The following SLC22A23 variants were observed in gnomAD, a reference collection of about 807,000 sequenced individuals.
The protein encoded by SLC22A23 is ion transporter protein.
Under a neutral mutation model 61.0 loss-of-function variants are expected in SLC22A23, and 26 were observed. That is an observed-to-expected ratio of 0.43 (90% CI 0.31 to 0.59). The LOEUF is 0.59. SLC22A23 is among the 20% of genes least tolerant of loss of function. SLC22A23 has a pLI of 0.11. For synonymous variants in SLC22A23, 430 were observed against 413.9 expected, an observed-to-expected ratio of 1.04 and a Z score of -0.47; for missense variants, 796 against 934.7, an observed-to-expected ratio of 0.85 and a Z score of 1.94.
Position 3,372,355 on chromosome 6 carries a change from G to C in SLC22A23, c.913+37833C>G, listed in dbSNP as rs1014077573. Among the ~76,000 whole-genome samples, 1 of 152,260 alleles carries C rather than the reference G, an allele frequency of 6.6e-6. No homozygotes were observed. Among genetic ancestry groups the C allele is most frequent in the Non-Finnish European group, 1.5e-5 (1 of 68,046 alleles). On this transcript the variant is annotated intron_variant, in intron 3 of 9. Transcript: ENST00000406686. The surrounding 1 kb of genome is among the most constrained non-coding windows in gnomAD (Gnocchi z 4.7). ...GTGGAATAAAAGTGGCAAGATGCAC[G>C]AAGGTCTAAGCCTGCAGGCTCCTCC...
Position 3,287,026 on chromosome 6 carries a change from G to A in SLC22A23, c.1379C>T (p.Pro460Leu), listed in dbSNP as rs140418737. Residue 460 changes from proline to leucine, a missense_variant, in exon 7 of 10, where the codon CCG becomes CTG. Pro to Leu is a moderately conservative substitution (Grantham distance 98). Transcript: ENST00000406686. ...RSMMGHEVKV[P>L]LLENFYADYY... ...GTCAGCATAGAAGTTCTCCAGGAGCGGCACCTTCACCTCGTGGCCCATCAT... is the reference window on the plus strand; with the variant it reads ...GTCAGCATAGAAGTTCTCCAGGAGCAGCACCTTCACCTCGTGGCCCATCAT... 245 of 1,614,202 alleles carry A rather than the reference G, an allele frequency of 1.5e-4. No individual in the cohort carries two copies. The African/African-American group carries it at 2.8e-3, about 19-fold the overall frequency.
At chr6:3,348,286 T>C (rs1269929436) in intron 3 of SLC22A23, among the ~76,000 whole-genome samples, 1 of 152,218 alleles carries the variant, frequency 6.6e-6, no homozygotes, top group Non-Finnish European at 1.5e-5. Flanking sequence ...CTGGAACAGC[T>C]ACTACAACGG....
rs1765648754 is a variant in SLC22A23, at chr6:3,364,064, A to G, written c.914-40062T>C. Among the ~76,000 whole-genome samples the G allele has an allele frequency of 2.6e-5, 4 of 152,358 alleles. No individual in the cohort carries two copies. The South Asian group carries it at 6.2e-4, about 24-fold the overall frequency. ...GTCTGACATTTGTGCATCTCACCCA[A>G]TAGAGCTTTTGCCTTCCCTCTCTCC... On this transcript the variant is annotated intron_variant, in intron 3 of 9. Transcript: ENST00000406686.
chr6:3,416,886 G>T (rs1367070766), intron 1 of SLC22A23, among the ~76,000 whole-genome samples: 1 of 152,224 alleles, frequency 6.6e-6, no homozygotes, highest in Non-Finnish European at 1.5e-5. Flanking sequence ...GGTGTTCTGG[G>T]AGCAGAGGCA....
chr6:3,289,981 CTTTTT>C (rs35568219), intron 5 of SLC22A23, 115 bp from the exon 6 acceptor site: 2,259 of 444,524 alleles, frequency 5.1e-3, no homozygotes, highest in East Asian at 9.3e-3. Flanking sequence ...GAGAGAGAAG[CTTTTT>C]TTTTTTTTTT....
chr6:3,316,107 A>C (rs1310020294), intron 4 of SLC22A23, among the ~76,000 whole-genome samples: 1 of 152,194 alleles, frequency 6.6e-6, no homozygotes, highest in Non-Finnish European at 1.5e-5. Context: ...CCGTATTTCT[A>C]GCAAGTTCCC....
At chr6:3,369,643 A>G (rs961201429) in intron 3 of SLC22A23, among the ~76,000 whole-genome samples, 2 of 151,046 alleles carry the variant, frequency 1.3e-5, no homozygotes, top group Admixed American at 1.3e-4. Flanking sequence ...GTGAGCCAAG[A>G]TTGTGCCACT....
At position 3,328,448 on chromosome 6, in the gene SLC22A23, G is replaced by C. The variant is rs1763399209; in HGVS notation, c.914-4446C>G. 6.6e-6 allele frequency among the ~76,000 whole-genome samples: 1 copy of C among 152,162 alleles called. No individual in the cohort carries two copies. Among genetic ancestry groups the C allele is most frequent in the South Asian group, 2.1e-4 (1 of 4,820 alleles). On this transcript the variant is annotated intron_variant, in intron 3 of 9. Coordinates refer to ENST00000406686, the MANE Select transcript of SLC22A23 (RefSeq NM_015482.2). The surrounding 1 kb of genome is among the most constrained non-coding windows in gnomAD (Gnocchi z 5.0). Reference sequence around the variant, plus strand: ...TTTATGTGACGGAGGAGGAAGGCCTGAGGGAGTGGGGTGTGGGGGTTTGAT... The same window carrying C: ...TTTATGTGACGGAGGAGGAAGGCCTCAGGGAGTGGGGTGTGGGGGTTTGAT...
At chr6:3,442,452 A>G (rs899474247) in intron 1 of SLC22A23, among the ~76,000 whole-genome samples, 1 of 152,252 alleles carries the variant, frequency 6.6e-6, no homozygotes, top group Non-Finnish European at 1.5e-5. Flanking sequence ...AATAAAGACA[A>G]GTTTTAAAAA....
Position 3,347,448 on chromosome 6 carries a change from C to T in SLC22A23, c.914-23446G>A, listed in dbSNP as rs142160615. ...TCACGGCTGACCTCTGAGAGCTGAA[C>T]TGCACAGGAGAATTTAACTACACCA... is the stretch of plus-strand genomic sequence containing the variant. On this transcript the variant is annotated intron_variant, in intron 3 of 9. Transcript: ENST00000406686. Among the ~76,000 whole-genome samples the T allele has an allele frequency of 3.2e-3, 492 of 152,188 alleles. 4 individuals carry two copies. Among genetic ancestry groups the T allele is most frequent in the African/African-American group, 0.012 (479 of 41,518 alleles).
At chr6:3,370,170 A>G (rs963839293) in intron 3 of SLC22A23, among the ~76,000 whole-genome samples, 7 of 151,988 alleles carry the variant, frequency 4.6e-5, no homozygotes, top group Admixed American at 2.0e-4. Flanking sequence ...TTTTCCTTGG[A>G]TTTTCTTTCA....
chr6:3,446,139 C>T (rs1022613677), intron 1 of SLC22A23, among the ~76,000 whole-genome samples: 4 of 152,314 alleles, frequency 2.6e-5, no homozygotes, highest in East Asian at 1.9e-4. Context: ...TCAAGCACAA[C>T]GGGAGGGTCA....
chr6:3,328,045 T>A lies in SLC22A23; in HGVS notation c.914-4043A>T. Among the ~76,000 whole-genome samples, 1 of 152,064 alleles carries A rather than the reference T, an allele frequency of 6.6e-6. No individual in the cohort carries two copies. The highest frequency in any genetic ancestry group is 2.4e-5 in the African/African-American group (1 of 41,384). ...AATATAATTATTGCCAAGTCGCTCA[T>A]TGGTCTCATTCGACATGGTGAGATC... On this transcript the variant is annotated intron_variant, in intron 3 of 9. Transcript: ENST00000406686. The surrounding 1 kb of genome is among the most constrained non-coding windows in gnomAD (Gnocchi z 5.0).
chr6:3,294,011 C>T (rs1760852750), intron 5 of SLC22A23, among the ~76,000 whole-genome samples: 1 of 152,170 alleles, frequency 6.6e-6, no homozygotes. Flanking sequence ...AGGATGCCTG[C>T]ACCCTGCACG....
chr6:3,456,311 C>A lies in SLC22A23; in HGVS notation c.249G>T (p.Ser83=). 6.4e-7 allele frequency: 1 copy of A among 1,550,692 alleles called. No homozygotes were observed. Among genetic ancestry groups the A allele is most frequent in the East Asian group, 2.4e-5 (1 of 40,950 alleles). Residue 83 remains serine (S), a synonymous_variant, in exon 1 of 10, where the codon TCG becomes TCT. Transcript: ENST00000406686. The surrounding 1 kb of genome is among the most constrained non-coding windows in gnomAD (Gnocchi z 7.1). ...CCAGGCCCCCGAGGAAGGGCAGCAC[C>A]GACCCGTCATAGTCCAGCAACAAGA... ...PSLLLLDYDG[S]VLPFLGGLGG...
chr6:3,290,274 C>T (rs1379385148), intron 5 of SLC22A23: 2 of 296,090 alleles, frequency 6.8e-6, no homozygotes, highest in Non-Finnish European at 1.3e-5. Flanking sequence ...CAGTTCTTTT[C>T]CGTACACTCT....
At chr6:3,307,491 G>T (rs1322866101) in intron 4 of SLC22A23, among the ~76,000 whole-genome samples, 1 of 152,268 alleles carries the variant, frequency 6.6e-6, no homozygotes, top group African/African-American at 2.4e-5. Flanking sequence ...ACCCAACTGG[G>T]ATACCAGTGC....
At position 3,333,264 on chromosome 6, in the gene SLC22A23, C is replaced by G. The variant is rs1202301942; in HGVS notation, c.914-9262G>C. Among the ~76,000 whole-genome samples, 1 of 152,204 alleles carries G rather than the reference C, an allele frequency of 6.6e-6. No homozygotes were observed. Among genetic ancestry groups the G allele is most frequent in the Non-Finnish European group, 1.5e-5 (1 of 68,032 alleles). On this transcript the variant is annotated intron_variant, in intron 3 of 9. Coordinates refer to ENST00000406686, the MANE Select transcript of SLC22A23 (RefSeq NM_015482.2). This position sits in a 1 kb window ranked among gnomAD's most constrained non-coding sequence, Gnocchi z 4.1. The stretch of plus-strand genomic sequence containing the variant: ...AGAACTTGTATTCAGCAACAAGGGC[C>G]AGCTCTTTGCCCTGAAATACGGTCA...
intron 2 of SLC22A23, among the ~76,000 whole-genome samples, chr6:3,411,145 G>A (rs1007833129): frequency 6.6e-6 from 1 of 151,842 alleles, no homozygotes; most frequent in Non-Finnish European, 1.5e-5. Flanking sequence ...CAAGAATGGG[G>A]AAGTCACCAG....
Sources: gnomAD v4.1 joint callset for allele counts (sites outside exome capture counted in the v4.1 genomes callset) on GRCh38, gnomAD v4.1.1 for gene constraint, Gnocchi (gnomAD v3.1) non-coding constraint, MANE v1.5 for transcripts, NCBI Gene and HGNC (gene_info 2026-07-23, HGNC 2026-07-21) for gene names.